SNX14: variants seen among roughly 807,000 people sequenced by gnomAD.
SNX14 encodes sorting nexin-14.
Under a neutral mutation model 133.8 loss-of-function variants are expected in SNX14, and 93 were observed. The ratio of observed to expected loss-of-function variants is 0.70; its 90% CI spans 0.59 to 0.83. The LOEUF is 0.83. SNX14 is among the 40% of genes least tolerant of loss of function. The pLI is 0.00. For synonymous variants in SNX14, 368 were observed against 365.6 expected (o/e 1.01, Z -0.07); for missense variants, 945 against 1,094.9 (o/e 0.86, Z 1.93).
Position 85,548,392 on chromosome 6 carries a change from A to G in SNX14, c.792-16T>C. 1 of 1,544,754 alleles carries G rather than the reference A, an allele frequency of 6.5e-7. No individual in the cohort carries two copies. Among genetic ancestry groups the G allele is most frequent in the Non-Finnish European group, 8.8e-7 (1 of 1,135,978 alleles). On this transcript the variant is annotated splice_polypyrimidine_tract_variant and intron_variant, in intron 8 of 28. Coordinates refer to ENST00000314673, the MANE Select transcript of SNX14 (RefSeq NM_153816.6). ...GGTCAGAGATCTGGAAAAAGAAATA[A>G]TAATAATTGTTTATATTTAGTGATT...
At chr6:85,560,262 A>C (rs1308903288) in intron 6 of SNX14, among the ~76,000 whole-genome samples, 1 of 152,262 alleles carries the variant, frequency 6.6e-6, no homozygotes, top group Non-Finnish European at 1.5e-5. Context: ...TGGATAAACA[A>C]AATGTAGTAC....
At chr6:85,541,079 C>T (rs183860142) in intron 15 of SNX14, among the ~76,000 whole-genome samples, 5 of 151,826 alleles carry the variant, frequency 3.3e-5, no homozygotes, top group African/African-American at 7.2e-5. Context: ...TTGCAACCTC[C>T]ACCTCCTGGG....
At chr6:85,543,893 A>T (rs1784658713) in intron 12 of SNX14, 133 bp from the exon 13 acceptor site, 1 of 426,382 alleles carries the variant, frequency 2.3e-6, no homozygotes, top group African/African-American at 2.1e-5. Context: ...TAAGTTTTTA[A>T]AAAATATTTG....
intron 21 of SNX14, among the ~76,000 whole-genome samples, chr6:85,525,129 C>T (rs911155607): frequency 1.6e-4 from 24 of 152,096 alleles, no homozygotes; most frequent in Admixed American, 1.6e-3. Flanking sequence ...GAAACATGAT[C>T]TTCAGGAAAT....
At chr6:85,588,138 T>A (rs1043178641) in intron 1 of SNX14, among the ~76,000 whole-genome samples, 8 of 151,706 alleles carry the variant, frequency 5.3e-5, no homozygotes, top group African/African-American at 1.9e-4. Context: ...CAAAAAAACT[T>A]AAAAAATTAG....
At chr6:85,567,893 G>T (rs754255408) in intron 4 of SNX14, 3 of 186,006 alleles carry the variant, frequency 1.6e-5, no homozygotes, top group South Asian at 2.1e-4. Context: ...TGAGGCAGGA[G>T]TATCGCTTGA....
At chr6:85,535,790 A>G (rs1781775836) in intron 17 of SNX14, among the ~76,000 whole-genome samples, 1 of 152,154 alleles carries the variant, frequency 6.6e-6, no homozygotes, top group Non-Finnish European at 1.5e-5. Flanking sequence ...GAAGGGGTAA[A>G]GAAAAGGGTT....
intron 1 of SNX14, among the ~76,000 whole-genome samples, chr6:85,592,748 G>C (rs1298486795): frequency 1.3e-5 from 2 of 151,816 alleles, no homozygotes; most frequent in Non-Finnish European, 2.9e-5. Flanking sequence ...CCAGCACTTC[G>C]GGAGGCCGAG....
At chr6:85,539,403 T>A (rs575972736) in intron 15 of SNX14, among the ~76,000 whole-genome samples, 12 of 152,290 alleles carry the variant, frequency 7.9e-5, no homozygotes, top group African/African-American at 2.6e-4. Flanking sequence ...TAAAAAAATA[T>A]GTTTTAAGCT....
rs1790287592 is a variant in SNX14, at chr6:85,557,972, T to C, written c.634+4A>G. 1.3e-6 allele frequency: 2 copies of C among 1,554,668 alleles called. No individual in the cohort carries two copies. The highest frequency in any genetic ancestry group is 8.8e-7 in the Non-Finnish European group (1 of 1,133,356). On this transcript the variant is annotated splice_donor_region_variant and intron_variant, in intron 7 of 28. Transcript: ENST00000314673. ...ACTCAAACTGTAGTAGAAAACTGTA[T>C]TACCTTTCTGTCTGGCTTTAACTAT...
At chr6:85,555,535 T>A (rs1050421589) in intron 7 of SNX14, among the ~76,000 whole-genome samples, 8 of 152,030 alleles carry the variant, frequency 5.3e-5, no homozygotes, top group African/African-American at 1.9e-4. Flanking sequence ...GTAGAGACAG[T>A]AAAAAGATCA....
intron 4 of SNX14, chr6:85,568,498 G>A (rs1205307191): frequency 2.0e-5 from 3 of 152,180 alleles, no homozygotes; most frequent in African/African-American, 7.2e-5. Flanking sequence ...ACTCAAATCA[G>A]TACATAAGTT....
intron 19 of SNX14, 135 bp downstream of exon 19, chr6:85,530,057 A>G (rs1472146673): frequency 7.5e-6 from 4 of 536,212 alleles, no homozygotes; most frequent in South Asian, 2.7e-5. Flanking sequence ...TCCGTTATCA[A>G]TGAAAGTATA....
intron 15 of SNX14, 92 bp downstream of exon 15, chr6:85,541,893 C>T: frequency 1.1e-6 from 1 of 887,350 alleles, no homozygotes. Flanking sequence ...AATGGAACCA[C>T]ATATTCATTC....
At chr6:85,537,959 T>C (rs896557212) in intron 16 of SNX14, among the ~76,000 whole-genome samples, 2 of 152,036 alleles carry the variant, frequency 1.3e-5, no homozygotes, top group Non-Finnish European at 2.9e-5. Flanking sequence ...AAAGTCACGT[T>C]CACTATGTAA....
At chr6:85,552,271 C>T (rs1582867804) in intron 7 of SNX14, among the ~76,000 whole-genome samples, 1 of 151,866 alleles carries the variant, frequency 6.6e-6, no homozygotes, top group South Asian at 2.1e-4. Context: ...CTCCTGACCT[C>T]GTGATCCGCC....
chr6:85,555,804 A>G (rs1458485947), intron 7 of SNX14, among the ~76,000 whole-genome samples: 1 of 152,132 alleles, frequency 6.6e-6, no homozygotes, highest in African/African-American at 2.4e-5. Flanking sequence ...AGCCTGGTCA[A>G]CATGGTGAAA....
intron 23 of SNX14, among the ~76,000 whole-genome samples, chr6:85,517,139 G>C (rs182781546): frequency 9.9e-5 from 15 of 152,152 alleles, no homozygotes; most frequent in Admixed American, 2.0e-4. Context: ...CTAGCAAGAC[G>C]ACTAAATAAA....
At chr6:85,548,175 G>T in intron 9 of SNX14, 126 bp downstream of exon 9, 1 of 660,636 alleles carries the variant, frequency 1.5e-6, no homozygotes, top group Non-Finnish European at 2.6e-6. Context: ...GATGGGGAAT[G>T]GGGATGGTTG....
Sources: allele counts gnomAD v4.1 joint callset (sites outside exome capture counted in the v4.1 genomes callset), GRCh38; gene constraint gnomAD v4.1.1; transcripts MANE v1.5; gene names NCBI Gene and HGNC (gene_info 2026-07-23, HGNC 2026-07-21).